Variants in RAE1 observed in about 807,000 individuals in gnomAD.
RAE1 encodes the protein ribonucleic acid export 1.
In RAE1, 13 loss-of-function variants were observed where a neutral mutation model predicts 52.7. That is an observed-to-expected ratio of 0.25 (90% CI 0.16 to 0.39). The LOEUF is 0.39. Among genes scored for constraint, RAE1 ranks in the 10% least tolerant of loss-of-function variants. The pLI is 1.00. For synonymous variants in RAE1, 164 were observed against 153.1 expected (o/e 1.07, Z -0.52); for missense variants, 262 against 459.8 (o/e 0.57, Z 3.93).
At chr20:57,364,293 C>T (rs1396319110) in intron 4 of RAE1, among the ~76,000 whole-genome samples, 1 of 152,154 alleles carries the variant, frequency 6.6e-6, no homozygotes, top group Non-Finnish European at 1.5e-5. Flanking sequence ...TGCACGTGTC[C>T]ACTGAGGTTG....
intron 4 of RAE1, among the ~76,000 whole-genome samples, chr20:57,364,697 CA>C (rs2066931278): frequency 1.3e-5 from 2 of 152,206 alleles, no homozygotes; most frequent in South Asian, 4.1e-4. Flanking sequence ...TGGGTGCTTT[CA>C]AGCTGCAGTG....
At chr20:57,373,603 T>C (rs1355236781) in intron 9 of RAE1, 22 bp downstream of exon 9, 1 of 1,613,366 alleles carries the variant, frequency 6.2e-7, no homozygotes, top group South Asian at 1.1e-5. Flanking sequence ...TCTGTCAGCT[T>C]GCAGATTTCA....
At chr20:57,361,364 A>G (rs762799799) in intron 4 of RAE1, among the ~76,000 whole-genome samples, 1 of 152,152 alleles carries the variant, frequency 6.6e-6, no homozygotes, top group South Asian at 2.1e-4. Flanking sequence ...AGAAAATTAC[A>G]TCAATCGAGG....
At chr20:57,364,659 GC>G (rs1231206659) in intron 4 of RAE1, among the ~76,000 whole-genome samples, 1 of 152,202 alleles carries the variant, frequency 6.6e-6, no homozygotes, top group African/African-American at 2.4e-5. Flanking sequence ...TTATTGAAAT[GC>G]AGCCACACTC....
At chr20:57,357,114 T>C (rs1313383248) in intron 4 of RAE1, among the ~76,000 whole-genome samples, 2 of 152,242 alleles carry the variant, frequency 1.3e-5, no homozygotes, top group Non-Finnish European at 2.9e-5. Flanking sequence ...CCTGTTCCTT[T>C]AGTCAGGTTT....
In RAE1 at chr20:57,374,813, C is replaced by T. The variant is rs200830641; in HGVS notation, c.1020+12C>T. 211 of 1,614,088 alleles carry T rather than the reference C, an allele frequency of 1.3e-4. No individual in the cohort carries two copies. Among genetic ancestry groups the T allele is most frequent in the East Asian group, 8.7e-4 (39 of 44,876 alleles). On this transcript the variant is annotated intron_variant, in intron 11 of 11. Transcript: ENST00000395841. Reference sequence around the variant, plus strand: ...ACGACTGGTCAAAGGTGAGAACTCCCGGGCCTGCTCTGGGTGCTCCAAGGC... The same window carrying T: ...ACGACTGGTCAAAGGTGAGAACTCCTGGGCCTGCTCTGGGTGCTCCAAGGC...
chr20:57,362,066 A>T (rs1305466176), intron 4 of RAE1, among the ~76,000 whole-genome samples: 1 of 152,152 alleles, frequency 6.6e-6, no homozygotes, highest in Non-Finnish European at 1.5e-5. Context: ...ATGCCTGATG[A>T]TCTGAGATGG....
chr20:57,363,550 T>C (rs1161966618), intron 4 of RAE1, among the ~76,000 whole-genome samples: 3 of 152,052 alleles, frequency 2.0e-5, no homozygotes, highest in Admixed American at 6.6e-5. Context: ...ATCCCTATAG[T>C]CCTAGCTACT....
intron 3 of RAE1, among the ~76,000 whole-genome samples, 160 bp downstream of exon 3, chr20:57,354,976 A>G (rs1179327667): frequency 6.6e-6 from 1 of 152,222 alleles, no homozygotes; most frequent in East Asian, 1.9e-4. Context: ...TGAATGGCAG[A>G]CATTATTCTT....
intron 7 of RAE1, 33 bp downstream of exon 7, chr20:57,367,112 T>TAA: frequency 1.5e-5 from 20 of 1,319,674 alleles, no homozygotes; most frequent in Non-Finnish European, 1.7e-5. Flanking sequence ...GTATTTACTT[T>TAA]AAAAAAAAAA....
chr20:57,351,751 C>T lies in RAE1; in HGVS notation c.-8+329C>T, dbSNP rs896682618. 1.0e-5 allele frequency: 10 copies of T among 985,418 alleles called. No homozygotes were observed. The African/African-American group carries it at 1.6e-4, about 15-fold the overall frequency. The allele number at this position is 985,418 out of a possible 1,614,324, so 61.0% of individuals were successfully genotyped here. ...TGTCAGCTCCTGGGAGAAGCTTTCC[C>T]TGGCCGCTTTGCAGAAGGGCGTCCC... On this transcript the variant is annotated intron_variant, in intron 1 of 11. Transcript: ENST00000395841.
At chr20:57,354,187 A>C in intron 2 of RAE1, 59 bp downstream of exon 2, 2 of 1,473,410 alleles carry the variant, frequency 1.4e-6, no homozygotes, top group Non-Finnish European at 1.9e-6. Flanking sequence ...TTCTCCCATC[A>C]AGGACAGAAC....
At chr20:57,376,491 T>C (rs1457471279) in intron 11 of RAE1, among the ~76,000 whole-genome samples, 1 of 152,216 alleles carries the variant, frequency 6.6e-6, no homozygotes, top group Non-Finnish European at 1.5e-5. Flanking sequence ...CGCTACATTT[T>C]CCCCTCGCCC....
rs566017658 is a variant in RAE1, at chr20:57,360,425, G to GGTGA, written c.288+3889_288+3892dup. Among the ~76,000 whole-genome samples, 54 of 152,322 alleles carry GGTGA rather than the reference G, an allele frequency of 3.5e-4. No homozygotes were observed. In the East Asian group the frequency reaches 6.0e-3, roughly 17 times the overall value. ...GGCATATAGGCCAGGGGCAAGAGGTGGTGAGACGTATCGGGGTTTATTGAT... is the reference window on the plus strand; with the variant it reads ...GGCATATAGGCCAGGGGCAAGAGGTGGTGAGTGAGACGTATCGGGGTTTATTGAT... On this transcript the variant is annotated intron_variant, in intron 4 of 11. Transcript: ENST00000395841.
At chr20:57,352,777 G>T (rs546331645) in intron 1 of RAE1, among the ~76,000 whole-genome samples, 1 of 152,312 alleles carries the variant, frequency 6.6e-6, no homozygotes, top group African/African-American at 2.4e-5. Flanking sequence ...TTTTACAGAT[G>T]AGAAAATCAA....
chr20:57,377,980 A>G, intron 11 of RAE1, 33 bp from the exon 12 acceptor site: 3 of 1,498,022 alleles, frequency 2.0e-6, no homozygotes, highest in Non-Finnish European at 2.8e-6. Flanking sequence ...TCTTTTGAAT[A>G]ATAAGATCAT....
At chr20:57,353,909 G>A (rs1178703668) in intron 1 of RAE1, 123 bp from the exon 2 acceptor site, 87 of 799,260 alleles carry the variant, frequency 1.1e-4, no homozygotes, top group Non-Finnish European at 1.2e-4. Context: ...GCTCTTGTCT[G>A]AAAAGTGAAG....
intron 1 of RAE1, 96 bp from the exon 2 acceptor site, chr20:57,353,936 T>C (rs577469816): frequency 2.7e-4 from 304 of 1,109,950 alleles, no homozygotes; most frequent in South Asian, 5.7e-4. Flanking sequence ...CTCAAGCCAC[T>C]TTGAGTATTT....
intron 11 of RAE1, among the ~76,000 whole-genome samples, chr20:57,376,486 C>A (rs2067117384): frequency 1.3e-5 from 2 of 152,238 alleles, no homozygotes; most frequent in South Asian, 4.1e-4. Context: ...CCCTACGCTA[C>A]ATTTTCCCCT....
Sources: allele counts gnomAD v4.1 joint callset (sites outside exome capture counted in the v4.1 genomes callset), GRCh38; gene constraint gnomAD v4.1.1; transcripts MANE v1.5; gene names NCBI Gene and HGNC (gene_info 2026-07-23, HGNC 2026-07-21).